The following MIR2052HG variants were observed in gnomAD, a reference collection of about 807,000 sequenced individuals.
MIR2052HG encodes the protein MIR2052 host gene.
intron 2 of MIR2052HG, among the ~76,000 whole-genome samples, chr8:74,645,891 C>T (rs547683054): frequency 6.6e-6 from 1 of 152,288 alleles, no homozygotes; most frequent in South Asian, 2.1e-4. Context: ...TTTTTACAAC[C>T]TAAGCCTATG....
chr8:74,724,203 A>G (rs1218736566), intron 4 of MIR2052HG, among the ~76,000 whole-genome samples: 1 of 152,220 alleles, frequency 6.6e-6, no homozygotes, highest in East Asian at 1.9e-4. Flanking sequence ...TTTCATATTT[A>G]TGGAAAAGAC....
chr8:74,674,162 G>GCA (rs1809026082), intron 2 of MIR2052HG, among the ~76,000 whole-genome samples: 1 of 133,806 alleles, frequency 7.5e-6, no homozygotes, highest in Non-Finnish European at 1.6e-5. Context: ...GTGTGTGTGT[G>GCA]TGTGTATCAT....
intron 2 of MIR2052HG, among the ~76,000 whole-genome samples, chr8:74,618,379 T>A (rs1259840032): frequency 6.6e-6 from 1 of 152,260 alleles, no homozygotes; most frequent in Non-Finnish European, 1.5e-5. Flanking sequence ...TTTTGTTCAC[T>A]GTTCTATTCC....
rs771211491 is a variant in MIR2052HG at position 74,604,775 on chromosome 8, G to GT, written n.128+4868dup. Among the ~76,000 whole-genome samples the GT allele has an allele frequency of 7.6e-4, 115 of 151,672 alleles. No homozygotes were observed. In the East Asian group the frequency reaches 0.02, roughly 27 times the overall value. ...TGCCTGGCTAATTTTTGTATTTTTA[G>GT]TAGAGACGAGGTTTCACCACATTAG... is the stretch of plus-strand genomic sequence containing the variant. On this transcript the variant is annotated intron_variant and non_coding_transcript_variant, in intron 1 of 6. Coordinates refer to ENST00000523442, the Ensembl canonical transcript of MIR2052HG.
chr8:74,754,499 C>G (rs565762636), intron 5 of MIR2052HG, among the ~76,000 whole-genome samples: 1 of 151,968 alleles, frequency 6.6e-6, no homozygotes, highest in Admixed American at 6.6e-5. Flanking sequence ...GAGTGTAGAA[C>G]GTGGAATTTT....
At chr8:74,620,154 T>A (rs1025225909) in intron 2 of MIR2052HG, among the ~76,000 whole-genome samples, 27 of 152,328 alleles carry the variant, frequency 1.8e-4, no homozygotes, top group African/African-American at 6.5e-4. Context: ...CACATCTAGG[T>A]TATGCTGATG....
At chr8:74,642,061 A>G (rs1808644263) in intron 2 of MIR2052HG, among the ~76,000 whole-genome samples, 1 of 152,060 alleles carries the variant, frequency 6.6e-6, no homozygotes, top group Non-Finnish European at 1.5e-5. Flanking sequence ...TGTTCTATTC[A>G]TATTATATTA....
chr8:74,714,964 G>A (rs1301535210), intron 4 of MIR2052HG, among the ~76,000 whole-genome samples: 1 of 152,098 alleles, frequency 6.6e-6, no homozygotes, highest in Non-Finnish European at 1.5e-5. Context: ...ACAGGCGTGA[G>A]CCACAGTGCC....
At chr8:74,692,534 G>A (rs938016368) in intron 2 of MIR2052HG, among the ~76,000 whole-genome samples, 1 of 152,286 alleles carries the variant, frequency 6.6e-6, no homozygotes, top group African/African-American at 2.4e-5. Context: ...TAAATTATTT[G>A]TATATCAAAT....
intron 2 of MIR2052HG, among the ~76,000 whole-genome samples, chr8:74,685,071 T>C (rs1362453480): frequency 1.3e-5 from 2 of 152,110 alleles, no homozygotes; most frequent in African/African-American, 2.4e-5. Flanking sequence ...ATCTCTGAGA[T>C]ACTGTTGTGA....
intron 2 of MIR2052HG, among the ~76,000 whole-genome samples, chr8:74,623,315 T>TG (rs1251219586): frequency 1.3e-5 from 2 of 152,098 alleles, no homozygotes; most frequent in Non-Finnish European, 2.9e-5. Context: ...TTTCCTTAGG[T>TG]GGGGGTGACA....
intron 2 of MIR2052HG, among the ~76,000 whole-genome samples, chr8:74,683,276 G>A (rs1809144863): frequency 6.6e-6 from 1 of 152,044 alleles, no homozygotes; most frequent in African/African-American, 2.4e-5. Flanking sequence ...AGAAAGAATT[G>A]GGAATGAAGA....
intron 2 of MIR2052HG, among the ~76,000 whole-genome samples, chr8:74,646,527 T>C (rs1197769990): frequency 1.3e-5 from 2 of 152,166 alleles, no homozygotes; most frequent in African/African-American, 4.8e-5. Flanking sequence ...GAGGAGATGA[T>C]GAGTTCAGTT....
intron 2 of MIR2052HG, among the ~76,000 whole-genome samples, chr8:74,680,787 A>G (rs1207327374): frequency 3.3e-5 from 5 of 151,892 alleles, no homozygotes; most frequent in Admixed American, 1.3e-4. Flanking sequence ...GGCATTATTC[A>G]CAATAGCAAA....
At chr8:74,667,530 C>G (rs142748836) in intron 2 of MIR2052HG, among the ~76,000 whole-genome samples, 1 of 151,550 alleles carries the variant, frequency 6.6e-6, no homozygotes, top group Non-Finnish European at 1.5e-5. Context: ...TTTATTTTAC[C>G]TATGCCTATT....
intron 2 of MIR2052HG, among the ~76,000 whole-genome samples, chr8:74,660,782 C>T (rs1808854566): frequency 6.6e-6 from 1 of 151,972 alleles, no homozygotes; most frequent in South Asian, 2.1e-4. Flanking sequence ...TATAGTCACT[C>T]TCTTTATCTT....
chr8:74,663,445 T>A (rs1015611889), intron 2 of MIR2052HG, among the ~76,000 whole-genome samples: 4 of 152,216 alleles, frequency 2.6e-5, no homozygotes, highest in Admixed American at 2.6e-4. Flanking sequence ...TAAAATAGAA[T>A]TCATGGTTGC....
rs753852825 is a variant in MIR2052HG, at chr8:74,678,228, A to C, written n.217-24151A>C. 1.4e-4 allele frequency among the ~76,000 whole-genome samples: 21 copies of C among 152,284 alleles called. 1 individual carries two copies. The highest frequency in any genetic ancestry group is 6.8e-3 in the Middle Eastern group (2 of 294). ...CAGTTATACTAAGTATTCAATTAAG[A>C]TACAATAATTCTCACAAACTTTTCC... On this transcript the variant is annotated intron_variant and non_coding_transcript_variant, in intron 2 of 6. Transcript: ENST00000523442.
chr8:74,600,180 C>T (rs1439272294), intron 1 of MIR2052HG, among the ~76,000 whole-genome samples: 1 of 152,176 alleles, frequency 6.6e-6, no homozygotes, highest in Non-Finnish European at 1.5e-5. Flanking sequence ...GCAGAAATCA[C>T]CCTTCTTCTG....
Sources: gnomAD v4.1 joint callset for allele counts (sites outside exome capture counted in the v4.1 genomes callset) on GRCh38, gnomAD v4.1.1 for gene constraint, MANE v1.5 for transcripts, NCBI Gene and HGNC (gene_info 2026-07-23, HGNC 2026-07-21) for gene names.